ZBTB38: variants seen among roughly 807,000 people sequenced by gnomAD.
ZBTB38 encodes zinc finger and BTB domain-containing protein 38.
Under a neutral mutation model 76.8 loss-of-function variants are expected in ZBTB38, and 20 were observed. That is an observed-to-expected ratio of 0.26 (90% CI 0.18 to 0.38). The LOEUF (loss-of-function observed/expected upper bound fraction) is 0.38. Ranked by LOEUF, ZBTB38 falls within the 10% of genes least tolerant of loss-of-function variation. The probability of loss-of-function intolerance (pLI) is 1.00; values close to 1 mark genes in which losing one functional copy is unlikely to be tolerated. For synonymous variants in ZBTB38, 504 were observed against 544.2 expected (o/e 0.93, Z 1.03); for missense variants, 1,082 against 1,482.3 (o/e 0.73, Z 4.43).
At position 141,445,732 on chromosome 3, in the gene ZBTB38, G is replaced by A. The variant is rs201146957; in HGVS notation, c.3344G>A (p.Arg1115Lys). 6.2e-7 allele frequency: 1 copy of A among 1,614,188 alleles called. No homozygotes were observed. The highest frequency in any genetic ancestry group is 2.2e-5 in the East Asian group (1 of 44,878). ...YLSTKRNHEQ[R>K]HIREHNGKGY... ...TCCACCAAAAGGAATCACGAGCAGA[G>A]GCATATTCGGGAGCATAATGGGAAG... The change falls in exon 6 of 6, where the codon AGG (arginine) becomes AAG (lysine). Residue 1115 changes from arginine to lysine, a missense_variant. Physicochemically the swap from Arg to Lys is conservative, Grantham distance 26. Around this residue, in one of 8 missense-constraint regions of ZBTB38, gnomAD observed 69 missense variants for 148.2 expected, o/e 0.47. Coordinates refer to ENST00000321464, the MANE Select transcript of ZBTB38 (RefSeq NM_001376113.1). The surrounding 1 kb of genome is among the most constrained non-coding windows in gnomAD (Gnocchi z 6.5).
intron 5 of ZBTB38, among the ~76,000 whole-genome samples, chr3:141,426,436 G>A (rs1201052863): frequency 6.6e-6 from 1 of 152,194 alleles, no homozygotes. Flanking sequence ...GGCAAGTGCT[G>A]GGATGCAGAG....
At chr3:141,333,391 T>C (rs762130026) in intron 1 of ZBTB38, among the ~76,000 whole-genome samples, 1 of 151,956 alleles carries the variant, frequency 6.6e-6, no homozygotes, top group Non-Finnish European at 1.5e-5. Context: ...TCTGTCTGCC[T>C]GTCTCTGCTT....
intron 5 of ZBTB38, among the ~76,000 whole-genome samples, chr3:141,433,940 A>G (rs2078166570): frequency 6.6e-6 from 1 of 152,238 alleles, no homozygotes; most frequent in Non-Finnish European, 1.5e-5. Flanking sequence ...TGCAGAGAGA[A>G]CTGTGAAGCA....
At chr3:141,365,380 G>A (rs1943936544), upstream of ZBTB38, among the ~76,000 whole-genome samples, 1 of 152,106 alleles carries the variant, frequency 6.6e-6, no homozygotes, top group Non-Finnish European at 1.5e-5. Flanking sequence ...TCTTGCTGGT[G>A]CGGACTCTCT....
At chr3:141,351,592 G>A (rs1943514618) in intron 1 of ZBTB38, among the ~76,000 whole-genome samples, 1 of 151,594 alleles carries the variant, frequency 6.6e-6, no homozygotes, top group African/African-American at 2.4e-5. Flanking sequence ...TTAAAGCCAG[G>A]CACAGTGGCA....
At chr3:141,432,109 G>T in intron 5 of ZBTB38, 17 of 985,478 alleles carry the variant, frequency 1.7e-5, no homozygotes, top group Non-Finnish European at 2.0e-5. Context: ...GGTACAGCCA[G>T]CTCACTGAAG....
intron 1 of ZBTB38, among the ~76,000 whole-genome samples, chr3:141,325,465 A>G (rs1942644839): frequency 6.6e-6 from 1 of 152,226 alleles, no homozygotes; most frequent in Non-Finnish European, 1.5e-5. Flanking sequence ...GTAATTAAAC[A>G]TAGTTTGTAC....
chr3:141,445,394 C>T lies in ZBTB38; in HGVS notation c.3006C>T (p.His1002=), dbSNP rs1416274651. 1 of 1,614,166 alleles carries T rather than the reference C, an allele frequency of 6.2e-7. No homozygotes were observed. The highest frequency in any genetic ancestry group is 1.1e-5 in the South Asian group (1 of 91,078). ...AVGAGNQGRP[H]RHLTSRPYAC... is the part of the protein sequence containing the mutation. The stretch of plus-strand genomic sequence containing the variant: ...GGGCTGGAAACCAAGGAAGGCCCCA[C>T]CGACATCTTACTTCTCGGCCATATG... The change falls in exon 6 of 6, where the codon CAC becomes CAT. Residue 1002 remains histidine, a synonymous_variant. Coordinates refer to ENST00000321464, the MANE Select transcript of ZBTB38 (RefSeq NM_001376113.1). The surrounding 1 kb of genome is among the most constrained non-coding windows in gnomAD (Gnocchi z 6.5).
At position 141,448,814 on chromosome 3, in the gene ZBTB38, TGTTTA is replaced by T. The variant is rs1296298451; in HGVS notation, c.*2839_*2843del. ...TTCAGTTTATTTCTGTTTCCTTACT[TGTTTA>T]CATTCCGTGGTACCTACTTACATGC... On this transcript the variant is annotated 3_prime_UTR_variant, in exon 6 of 6. Transcript: ENST00000321464. 6.6e-6 allele frequency: 1 copy of T among 152,242 alleles called. No homozygotes were observed. The highest frequency in any genetic ancestry group is 1.5e-5 in the Non-Finnish European group (1 of 68,042). The allele number at this position is 152,242 out of a possible 1,614,324, so 9.4% of individuals were successfully genotyped here.
chr3:141,385,089 C>A (rs1197724783), intron 3 of ZBTB38, among the ~76,000 whole-genome samples: 1 of 152,158 alleles, frequency 6.6e-6, no homozygotes, highest in East Asian at 1.9e-4. Context: ...TTCTGGGGAG[C>A]TTCAATGTGT....
intron 1 of ZBTB38, among the ~76,000 whole-genome samples, chr3:141,344,637 G>A (rs754817202): frequency 6.6e-6 from 1 of 152,264 alleles, no homozygotes; most frequent in African/African-American, 2.4e-5. Flanking sequence ...GCCTCCAAAA[G>A]TGCTGAGATT....
At chr3:141,368,893 A>G (rs1399250823) in intron 1 of ZBTB38, 89 bp downstream of exon 1, 1 of 150,808 alleles carries the variant, frequency 6.6e-6, no homozygotes, top group African/African-American at 2.4e-5. Flanking sequence ...CAGCTTGCCA[A>G]GCCCCAGCCC....
Position 141,339,768 on chromosome 3 carries a change from T to C in ZBTB38, c.-739+15312T>C, listed in dbSNP as rs542855371. ...GGAATCAAGAATTCTATTTTTGACA[T>C]GTTACAATTGTGAGGCCTGTTAGAC... On this transcript the variant is annotated intron_variant, in intron 1 of 7. Coordinates refer to the ZBTB38 transcript ENST00000509842. Among the ~76,000 whole-genome samples the C allele has an allele frequency of 6.6e-5, 10 of 152,198 alleles. No homozygotes were observed. The South Asian group carries it at 2.1e-3, about 32-fold the overall frequency.
intron 4 of ZBTB38, among the ~76,000 whole-genome samples, chr3:141,397,133 C>T (rs997228851): frequency 6.6e-6 from 1 of 152,224 alleles, no homozygotes; most frequent in Non-Finnish European, 1.5e-5. Flanking sequence ...TTTAATGTAG[C>T]CACCTTCATC....
At chr3:141,392,315 T>G (rs542667577) in intron 4 of ZBTB38, among the ~76,000 whole-genome samples, 1 of 152,298 alleles carries the variant, frequency 6.6e-6, no homozygotes, top group African/African-American at 2.4e-5. Flanking sequence ...CAATTCAGTT[T>G]ACTTCTTTGA....
At chr3:141,353,575 G>A (rs1042858834) in intron 1 of ZBTB38, among the ~76,000 whole-genome samples, 17 of 152,028 alleles carry the variant, frequency 1.1e-4, no homozygotes, top group Non-Finnish European at 2.1e-4. Flanking sequence ...GGGGAGAAGG[G>A]GGAAGAAGGA....
In ZBTB38 at chr3:141,445,847, T is replaced by A; in HGVS notation, c.3459T>A (p.Ser1153Arg). 6.2e-7 allele frequency: 1 copy of A among 1,613,966 alleles called. No homozygotes were observed. Among genetic ancestry groups the A allele is most frequent in the African/African-American group, 1.3e-5 (1 of 75,056 alleles). The change falls in exon 6 of 6, where the codon AGT (serine) becomes AGA (arginine). Residue 1153 changes from serine to arginine, a missense_variant. Physicochemically the swap from Ser to Arg is moderately radical, Grantham distance 110. Around this residue, in one of 8 missense-constraint regions of ZBTB38, gnomAD observed 54 missense variants for 57.9 expected, o/e 0.93. Transcript: ENST00000321464. This position sits in a 1 kb window ranked among gnomAD's most constrained non-coding sequence, Gnocchi z 6.5. ...HQKKHLFKSP[S>R]QQEKIGDVCH... Reference sequence around the variant, plus strand: ...AGAAACACTTATTCAAAAGCCCAAGTCAGCAGGAGAAAATAGGTGACGTGT... The same window carrying A: ...AGAAACACTTATTCAAAAGCCCAAGACAGCAGGAGAAAATAGGTGACGTGT...
rs372638612 is a variant in ZBTB38, at chr3:141,445,226, G to A, written c.2838G>A (p.Arg946=). 2 of 1,614,018 alleles carry A rather than the reference G, an allele frequency of 1.2e-6. No homozygotes were observed. The highest frequency in any genetic ancestry group is 8.5e-7 in the Non-Finnish European group (1 of 1,179,958). Residue 946 remains arginine (R), a synonymous_variant, in exon 6 of 6, where the codon AGG becomes AGA. Coordinates refer to ENST00000321464, the MANE Select transcript of ZBTB38 (RefSeq NM_001376113.1). The surrounding 1 kb of genome is among the most constrained non-coding windows in gnomAD (Gnocchi z 6.5). The stretch of plus-strand genomic sequence containing the variant: ...ACTGGAGGAAGGAGCACGGAAACAG[G>A]AGCCCGAGCCATAAATGTAAATACC... ...KVNWRKEHGN[R]SPSHKCKYPA... is the part of the protein sequence containing the mutation.
chr3:141,430,133 T>TCCAC (rs2077179731), intron 5 of ZBTB38, among the ~76,000 whole-genome samples: 2 of 152,180 alleles, frequency 1.3e-5, no homozygotes, highest in Admixed American at 1.3e-4. Flanking sequence ...TGGTGTGATC[T>TCCAC]TGGCTCACTG....
Sources: gnomAD v4.1 joint callset for allele counts (sites outside exome capture counted in the v4.1 genomes callset) on GRCh38, gnomAD v4.1.1 for gene constraint, gnomAD v4.1.1 regional missense constraint, Gnocchi (gnomAD v3.1) non-coding constraint, MANE v1.5 for transcripts, NCBI Gene and HGNC (gene_info 2026-07-23, HGNC 2026-07-21) for gene names.